FAM117A: variants seen among roughly 807,000 people sequenced by gnomAD.
FAM117A encodes the protein family with sequence similarity 117 member A.
FAM117A carries 21 observed loss-of-function variants against 44.1 expected under a neutral mutation model. The ratio of observed to expected loss-of-function variants is 0.48; its 90% CI spans 0.34 to 0.69. The LOEUF (loss-of-function observed/expected upper bound fraction) is 0.69, where lower values mean the gene tolerates loss of function less well. Ranked by LOEUF, FAM117A falls within the 30% of genes least tolerant of loss-of-function variation. The pLI is 0.01. For synonymous variants in FAM117A, 220 were observed against 238.3 expected (o/e 0.92, Z 0.71); for missense variants, 498 against 589.9 (o/e 0.84, Z 1.61).
In FAM117A at chr17:49,775,436, C is replaced by T. The variant is rs572403173; in HGVS notation, c.-621+13061G>A. Reference sequence around the variant, plus strand: ...ATTCCACAAGACGGCCCTGGCTCAACAAAATGGCCTTGGCAGTCTCTCTAG... The same window carrying T: ...ATTCCACAAGACGGCCCTGGCTCAATAAAATGGCCTTGGCAGTCTCTCTAG... On this transcript the variant is annotated intron_variant, in intron 1 of 7. Transcript: ENST00000513602. 2.0e-5 allele frequency among the ~76,000 whole-genome samples: 3 copies of T among 152,332 alleles called. No homozygotes were observed. In the South Asian group the frequency reaches 6.2e-4, roughly 32 times the overall value.
chr17:49,761,506 T>C (rs2073722317), intron 1 of FAM117A, among the ~76,000 whole-genome samples: 1 of 152,342 alleles, frequency 6.6e-6, no homozygotes, highest in South Asian at 2.1e-4. Context: ...ATTCTTATGA[T>C]ATAGATATTA....
chr17:49,767,583 G>T (rs1320484119), upstream of FAM117A, among the ~76,000 whole-genome samples: 4 of 152,182 alleles, frequency 2.6e-5, no homozygotes, highest in Non-Finnish European at 5.9e-5. Context: ...GAGACTTTGG[G>T]TCAGAGGATG....
chr17:49,757,211 C>A (rs75160117), intron 1 of FAM117A, among the ~76,000 whole-genome samples: 1 of 152,084 alleles, frequency 6.6e-6, no homozygotes, highest in African/African-American at 2.4e-5. Context: ...CAGCAACTCT[C>A]GGGGGCTCCT....
intron 1 of FAM117A, among the ~76,000 whole-genome samples, chr17:49,776,205 A>T (rs2073775186): frequency 6.6e-6 from 1 of 152,172 alleles, no homozygotes; most frequent in Non-Finnish European, 1.5e-5. Context: ...GTCTCATTTG[A>T]TCCTCATGAC....
intron 1 of FAM117A, among the ~76,000 whole-genome samples, chr17:49,758,621 C>CA (rs1182238605): frequency 0.12 from 11,050 of 92,686 alleles, 934 homozygotes; most frequent in East Asian, 0.39. Flanking sequence ...GAGACTGTCT[C>CA]AAAAAAAAAA....
At chr17:49,771,158 G>C (rs1386980078) in intron 1 of FAM117A, among the ~76,000 whole-genome samples, 1 of 152,202 alleles carries the variant, frequency 6.6e-6, no homozygotes, top group Non-Finnish European at 1.5e-5. Context: ...AGTGAGCCAA[G>C]ATTGTGCCAC....
chr17:49,764,318 C>A (rs569274213), upstream of FAM117A, among the ~76,000 whole-genome samples: 70 of 152,300 alleles, frequency 4.6e-4, 2 homozygotes, highest in South Asian at 0.014. Flanking sequence ...ACCCCACCCT[C>A]ACACCGCCCC....
In FAM117A at chr17:49,722,543, G is replaced by A; in HGVS notation, c.418C>T (p.His140Tyr). The A allele has an allele frequency of 1.2e-6, 2 of 1,614,068 alleles. No homozygotes were observed. Among genetic ancestry groups the A allele is most frequent in the Admixed American group, 1.7e-5 (1 of 60,016 alleles). ...LEGERASSCAHKRSASWGSTD... is the reference protein window; with the variant it reads ...LEGERASSCAYKRSASWGSTD... ...CTGCCCCAGGATGCTGAGCGCTTGT[G>A]TGCACAGGAACTGGCACGCTCACCT... Residue 140 changes from histidine (H) to tyrosine (Y), a missense_variant, in exon 3 of 8, where the codon CAC (histidine) becomes TAC (tyrosine). His to Tyr is a moderately conservative substitution (Grantham distance 83). Coordinates refer to ENST00000240364, the MANE Select transcript of FAM117A (RefSeq NM_030802.4).
chr17:49,786,051 A>C (rs1190221721), intron 1 of FAM117A, among the ~76,000 whole-genome samples: 2 of 152,174 alleles, frequency 1.3e-5, no homozygotes, highest in Non-Finnish European at 2.9e-5. Context: ...AAGAAGAAGA[A>C]ATAAGCTTTT....
chr17:49,716,084 A>G (rs2073501545), intron 7 of FAM117A, 81 bp downstream of exon 7: 27 of 1,504,126 alleles, frequency 1.8e-5, no homozygotes, highest in Non-Finnish European at 2.4e-5. Context: ...CTCTATGACA[A>G]GAGAGAGTCC....
intron 7 of FAM117A, among the ~76,000 whole-genome samples, chr17:49,711,759 T>TA (rs1182589342): frequency 6.6e-6 from 1 of 151,990 alleles, no homozygotes; most frequent in Non-Finnish European, 1.5e-5. Flanking sequence ...GCTCTTCAGC[T>TA]AAAAAAAGGA....
At chr17:49,755,207 G>A (rs2073694186) in intron 1 of FAM117A, among the ~76,000 whole-genome samples, 1 of 152,168 alleles carries the variant, frequency 6.6e-6, no homozygotes. Flanking sequence ...TGGTTGGTGG[G>A]AGAAGAAATA....
chr17:49,788,677 C>T (rs1184925107), upstream of FAM117A: 2 of 740,644 alleles, frequency 2.7e-6, no homozygotes, highest in African/African-American at 1.9e-5. Flanking sequence ...CCCGCGGCGC[C>T]TGCGCAGAAC....
At chr17:49,750,931 T>G (rs543817249) in intron 1 of FAM117A, among the ~76,000 whole-genome samples, 56 of 152,358 alleles carry the variant, frequency 3.7e-4, no homozygotes, top group African/African-American at 1.1e-3. Flanking sequence ...AGAAGCATTT[T>G]TGTAATATTT....
chr17:49,714,715 C>T (rs556270768), intron 7 of FAM117A, among the ~76,000 whole-genome samples: 9 of 150,756 alleles, frequency 6.0e-5, no homozygotes, highest in East Asian at 5.8e-4. Context: ...GGCGTGATCT[C>T]GGCTCACTGC....
At chr17:49,731,705 T>G (rs1306334592) in intron 2 of FAM117A, among the ~76,000 whole-genome samples, 2 of 152,246 alleles carry the variant, frequency 1.3e-5, no homozygotes, top group African/African-American at 2.4e-5. Context: ...CTCAGCATAC[T>G]TTTTGGCCAC....
At chr17:49,784,941 G>T (rs952412219) in intron 1 of FAM117A, among the ~76,000 whole-genome samples, 3 of 152,162 alleles carry the variant, frequency 2.0e-5, no homozygotes, top group Non-Finnish European at 4.4e-5. Flanking sequence ...AGTTAAAGTG[G>T]TTGAACAGAG....
chr17:49,734,794 T>C, intron 1 of FAM117A, among the ~76,000 whole-genome samples: 1 of 152,060 alleles, frequency 6.6e-6, no homozygotes, highest in East Asian at 1.9e-4. Flanking sequence ...CATCCACGAA[T>C]GGAGAAACGG....
rs577889872 is a variant in FAM117A at position 49,749,316 on chromosome 17, A to G, written c.196+14576T>C. Among the ~76,000 whole-genome samples, 36 of 152,072 alleles carry G rather than the reference A, an allele frequency of 2.4e-4. 1 individual carries two copies. The highest frequency in any genetic ancestry group is 2.8e-4 in the Non-Finnish European group (19 of 67,970). ...ATGAAGGCCAGGCGCAGTGGCTCAC[A>G]CCTGTAATCCCAGCACTTTGGGAGG... On this transcript the variant is annotated intron_variant, in intron 1 of 7. Coordinates refer to ENST00000240364, the MANE Select transcript of FAM117A (RefSeq NM_030802.4).
Sources: gnomAD v4.1 joint callset for allele counts (sites outside exome capture counted in the v4.1 genomes callset) on GRCh38, gnomAD v4.1.1 for gene constraint, MANE v1.5 for transcripts, NCBI Gene and HGNC (gene_info 2026-07-23, HGNC 2026-07-21) for gene names.